ROR1: variants seen among roughly 807,000 people sequenced by gnomAD.
ROR1 encodes ROR family WNT receptor 1.
ROR1 carries 19 observed loss-of-function variants against 78.8 expected under a neutral mutation model. The observed-to-expected ratio is 0.24, with a 90% CI of 0.17 to 0.35. The LOEUF (loss-of-function observed/expected upper bound fraction) is 0.35, where lower values mean the gene tolerates loss of function less well. Ranked by LOEUF, ROR1 falls within the 10% of genes least tolerant of loss-of-function variation. The pLI, the probability that ROR1 is intolerant of heterozygous loss-of-function variation, is 1.00. For synonymous variants in ROR1, 386 were observed against 433.6 expected (o/e 0.89, Z 1.36); for missense variants, 917 against 1,177.8 (o/e 0.78, Z 3.24).
At chr1:63,958,803 G>C (rs1054183307) in intron 1 of ROR1, among the ~76,000 whole-genome samples, 10 of 152,274 alleles carry the variant, frequency 6.6e-5, no homozygotes, top group Admixed American at 6.5e-4. Context: ...AAAGGGTAAA[G>C]GACAAATGAA....
At chr1:64,152,414 G>A (rs189897422) in intron 7 of ROR1, among the ~76,000 whole-genome samples, 10 of 152,254 alleles carry the variant, frequency 6.6e-5, no homozygotes, top group Admixed American at 5.2e-4. Flanking sequence ...GGACCACGAT[G>A]TTCTTGATCA....
At chr1:63,803,488 G>A (rs1460504322) in intron 1 of ROR1, among the ~76,000 whole-genome samples, 2 of 152,002 alleles carry the variant, frequency 1.3e-5, no homozygotes, top group South Asian at 2.1e-4. Context: ...GGACTACAAG[G>A]CGTGTGCCAC....
chr1:63,916,473 C>A (rs1259560309), intron 1 of ROR1, among the ~76,000 whole-genome samples: 1 of 152,218 alleles, frequency 6.6e-6, no homozygotes, highest in East Asian at 1.9e-4. Flanking sequence ...CCATGCTTCA[C>A]AAATACAAGA....
Position 63,834,427 on chromosome 1 carries a change from T to C in ROR1, c.91+59919T>C, listed in dbSNP as rs74373943. Among the ~76,000 whole-genome samples, 345 of 152,310 alleles carry C rather than the reference T, an allele frequency of 2.3e-3. 5 individuals are homozygous for C. In the East Asian group the frequency reaches 0.03, roughly 13 times the overall value. On this transcript the variant is annotated intron_variant, in intron 1 of 8. Coordinates refer to ENST00000371079, the MANE Select transcript of ROR1 (RefSeq NM_005012.4). ...TAAAAACAGAAGATGTTCAAACATATTTGATTTTATTAAATTAGTTTTCCC... is the reference window on the plus strand; with the variant it reads ...TAAAAACAGAAGATGTTCAAACATACTTGATTTTATTAAATTAGTTTTCCC...
At chr1:64,119,132 T>C (rs1481941139) in intron 4 of ROR1, among the ~76,000 whole-genome samples, 1 of 152,164 alleles carries the variant, frequency 6.6e-6, no homozygotes, top group African/African-American at 2.4e-5. Context: ...CACATAATCC[T>C]GACCCCTTGG....
At chr1:63,804,552 AG>A (rs1644816644) in intron 1 of ROR1, among the ~76,000 whole-genome samples, 1 of 152,216 alleles carries the variant, frequency 6.6e-6, no homozygotes, top group African/African-American at 2.4e-5. Context: ...ACCCCAGTGA[AG>A]ATGTATGAAT....
chr1:64,114,723 T>C (rs1433363198), intron 4 of ROR1, among the ~76,000 whole-genome samples: 1 of 151,886 alleles, frequency 6.6e-6, no homozygotes, highest in Non-Finnish European at 1.5e-5. Flanking sequence ...CACTGAGAAG[T>C]GGTGAACGAT....
intron 4 of ROR1, among the ~76,000 whole-genome samples, chr1:64,076,680 C>T (rs1362507303): frequency 6.6e-6 from 1 of 152,182 alleles, no homozygotes. Flanking sequence ...TGTTTTTAAA[C>T]AGCAGCACAG....
intron 1 of ROR1, among the ~76,000 whole-genome samples, chr1:63,779,535 G>T (rs1644638421): frequency 1.3e-5 from 2 of 152,072 alleles, no homozygotes; most frequent in Non-Finnish European, 2.9e-5. Context: ...GGAGGGGATG[G>T]GGGCAACTCT....
In ROR1 at chr1:64,000,918, A is replaced by C. The variant is rs141731692; in HGVS notation, c.92-8387A>C. ...ATATTTACTTTTAGAGCCATGGCTT[A>C]TTTTAAAATATTAAACACATTTCCC... On this transcript the variant is annotated intron_variant, in intron 1 of 8. Coordinates refer to ENST00000371079, the MANE Select transcript of ROR1 (RefSeq NM_005012.4). Among the ~76,000 whole-genome samples, 952 of 152,296 alleles carry C rather than the reference A, an allele frequency of 6.3e-3. 9 individuals are homozygous for C. The highest frequency in any genetic ancestry group is 0.022 in the African/African-American group (921 of 41,562).
At chr1:64,006,620 T>G (rs1486264095) in intron 1 of ROR1, among the ~76,000 whole-genome samples, 1 of 152,214 alleles carries the variant, frequency 6.6e-6, no homozygotes, top group South Asian at 2.1e-4. Context: ...ATTTTCTTTT[T>G]GTTTTCATAT....
chr1:64,059,119 T>C (rs368004463), intron 4 of ROR1, among the ~76,000 whole-genome samples: 4 of 152,328 alleles, frequency 2.6e-5, no homozygotes, highest in South Asian at 4.1e-4. Context: ...TCCTTTATCA[T>C]TCTTTTAATT....
At chr1:64,107,167 G>A (rs1034397539) in intron 4 of ROR1, 4 of 152,166 alleles carry the variant, frequency 2.6e-5, no homozygotes, top group Non-Finnish European at 5.9e-5. Context: ...TGCTCTACAC[G>A]TATTATCTCA....
chr1:64,178,227 G>A lies in ROR1; in HGVS notation c.2186G>A (p.Trp729Ter). 6.2e-7 allele frequency: 1 copy of A among 1,614,082 alleles called. No homozygotes were observed. Among genetic ancestry groups the A allele is most frequent in the Non-Finnish European group, 8.5e-7 (1 of 1,180,022 alleles). The change falls in exon 9 of 9, where the codon TGG becomes TAG. Residue 729 changes from tryptophan to a stop codon, truncating the protein, a stop_gained. Coordinates refer to ENST00000371079, the MANE Select transcript of ROR1 (RefSeq NM_005012.4). LOFTEE classifies it high-confidence loss of function. This position sits in a 1 kb window ranked among gnomAD's most constrained non-coding sequence, Gnocchi z 4.3. ...PRMYSLMTEC[W>*]NEIPSRRPRF... ...ATGTACAGCCTCATGACAGAGTGCTGGAATGAGATTCCTTCTAGGAGACCA... is the reference window on the plus strand; with the variant it reads ...ATGTACAGCCTCATGACAGAGTGCTAGAATGAGATTCCTTCTAGGAGACCA...
rs113521266 is a variant in ROR1, at chr1:64,167,423, G to A, written c.1386+8231G>A. Among the ~76,000 whole-genome samples the A allele has an allele frequency of 5.3e-3, 805 of 152,316 alleles. 8 individuals carry two copies. Among genetic ancestry groups the A allele is most frequent in the African/African-American group, 0.017 (711 of 41,576 alleles). On this transcript the variant is annotated intron_variant, in intron 8 of 8. Coordinates refer to ENST00000371079, the MANE Select transcript of ROR1 (RefSeq NM_005012.4). ...AGAAATGCAGCTGAACTCCAAGCAA[G>A]TGTGGCAAAATATTGGTTGAAACTC...
intron 1 of ROR1, among the ~76,000 whole-genome samples, chr1:63,911,559 G>A (rs1440464676): frequency 2.0e-5 from 3 of 152,000 alleles, no homozygotes; most frequent in Non-Finnish European, 4.4e-5. Flanking sequence ...ATCTGAGATG[G>A]AATAGATCCC....
chr1:64,157,065 C>G (rs1395219317), intron 7 of ROR1, among the ~76,000 whole-genome samples: 1 of 152,162 alleles, frequency 6.6e-6, no homozygotes, highest in Non-Finnish European at 1.5e-5. Context: ...TTATGAAAAG[C>G]ACCTGGTCCA....
chr1:63,835,299 G>A lies in ROR1; in HGVS notation c.91+60791G>A, dbSNP rs72928736. ...CATCATGCAAACCATCTGGTACAGT[G>A]CCAGACACAGAGAAAGCCTTCTGGA... On this transcript the variant is annotated intron_variant, in intron 1 of 8. Transcript: ENST00000371079. Among the ~76,000 whole-genome samples the A allele has an allele frequency of 2.1e-3, 326 of 152,224 alleles. 1 individual carries two copies. The highest frequency in any genetic ancestry group is 7.6e-3 in the African/African-American group (314 of 41,526).
Position 63,836,852 on chromosome 1 carries a change from T to C in ROR1, c.91+62344T>C, listed in dbSNP as rs187389901. On this transcript the variant is annotated intron_variant, in intron 1 of 8. Coordinates refer to ENST00000371079, the MANE Select transcript of ROR1 (RefSeq NM_005012.4). ...TCCCAATTAATTTATGTTTATTTTGTAAAAAGCTTGTGGGCCTGTTGAGTT... is the reference window on the plus strand; with the variant it reads ...TCCCAATTAATTTATGTTTATTTTGCAAAAAGCTTGTGGGCCTGTTGAGTT... 5.3e-5 allele frequency among the ~76,000 whole-genome samples: 8 copies of C among 152,294 alleles called. No homozygotes were observed. In the South Asian group the frequency reaches 8.3e-4, roughly 16 times the overall value.
Sources: allele counts gnomAD v4.1 joint callset (sites outside exome capture counted in the v4.1 genomes callset), GRCh38; gene constraint gnomAD v4.1.1; non-coding constraint Gnocchi (gnomAD v3.1); transcripts MANE v1.5; gene names NCBI Gene and HGNC (gene_info 2026-07-23, HGNC 2026-07-21).